HPSE2: variants seen among roughly 807,000 people sequenced by gnomAD.
The protein encoded by HPSE2 is inactive heparanase-2.
HPSE2 carries 38 observed loss-of-function variants against 60.5 expected under a neutral mutation model. The observed-to-expected ratio is 0.63, with a 90% CI of 0.48 to 0.82. The LOEUF (loss-of-function observed/expected upper bound fraction) is 0.82. Ranked by LOEUF, HPSE2 falls within the 40% of genes least tolerant of loss-of-function variation. HPSE2 has a pLI of 0.00. For missense variants in HPSE2, 713 were observed against 740.4 expected (o/e 0.96, Z 0.43); for synonymous variants, 295 against 293.2 (o/e 1.01, Z -0.06).
intron 11 of HPSE2, among the ~76,000 whole-genome samples, chr10:98,466,612 A>C (rs1940546032): frequency 2.3e-5 from 3 of 130,688 alleles, no homozygotes; most frequent in African/African-American, 1.1e-4. Flanking sequence ...CTCCGTCTCA[A>C]AAAAAAAAAA....
chr10:99,168,424 G>C (rs1204367631), intron 2 of HPSE2, among the ~76,000 whole-genome samples: 1 of 152,036 alleles, frequency 6.6e-6, no homozygotes, highest in African/African-American at 2.4e-5. Flanking sequence ...CAGAAACTTT[G>C]GTGAGTTCTC....
intron 3 of HPSE2, among the ~76,000 whole-genome samples, chr10:98,986,908 T>A (rs1956371908): frequency 6.6e-6 from 1 of 152,118 alleles, no homozygotes; most frequent in Non-Finnish European, 1.5e-5. Flanking sequence ...ATGGATAAAT[T>A]TCTCGGCACA....
intron 3 of HPSE2, among the ~76,000 whole-genome samples, chr10:99,068,587 A>G (rs1055221346): frequency 2.0e-5 from 3 of 152,222 alleles, no homozygotes; most frequent in Non-Finnish European, 2.9e-5. Context: ...GATTATTACA[A>G]TTCAAGGTCA....
At chr10:99,078,785 A>G (rs1843032723) in intron 3 of HPSE2, among the ~76,000 whole-genome samples, 1 of 152,164 alleles carries the variant, frequency 6.6e-6, no homozygotes, top group Non-Finnish European at 1.5e-5. Flanking sequence ...TGTGCATTAG[A>G]GAACAGTTAC....
intron 3 of HPSE2, among the ~76,000 whole-genome samples, chr10:99,054,575 C>A (rs1958066025): frequency 6.6e-6 from 1 of 152,184 alleles, no homozygotes; most frequent in African/African-American, 2.4e-5. Context: ...CAGATCTGTA[C>A]TAACAAAGCA....
intron 5 of HPSE2, among the ~76,000 whole-genome samples, chr10:98,701,744 A>T (rs1476976656): frequency 6.6e-6 from 1 of 152,196 alleles, no homozygotes; most frequent in East Asian, 1.9e-4. Context: ...AATCATTTCC[A>T]GACAAGCAAA....
chr10:99,235,745 C>CG lies in HPSE2; in HGVS notation c.57dup (p.Ala20ArgfsTer45), dbSNP rs778121647. 2.8e-5 allele frequency: 45 copies of CG among 1,613,290 alleles called. No homozygotes were observed. The highest frequency in any genetic ancestry group is 1.1e-4 in the East Asian group (5 of 44,808). ...TAGAGAGCCCCCGGGGCTAGGCACGCGGGGGGGCGGGAGTTGCTGGAGGGC... is the reference window on the plus strand; with the variant it reads ...TAGAGAGCCCCCGGGGCTAGGCACGCGGGGGGGGCGGGAGTTGCTGGAGGGC... On this transcript the variant is annotated frameshift_variant, in exon 1 of 12. Transcript: ENST00000370552. LOFTEE classifies it high-confidence loss of function.
chr10:99,008,429 G>C (rs186903707), intron 3 of HPSE2, among the ~76,000 whole-genome samples: 1 of 152,056 alleles, frequency 6.6e-6, no homozygotes, highest in Non-Finnish European at 1.5e-5. Context: ...AAAATGAGAG[G>C]CCAAAAGGAA....
At chr10:98,853,064 G>A (rs1952221595) in intron 3 of HPSE2, among the ~76,000 whole-genome samples, 1 of 152,184 alleles carries the variant, frequency 6.6e-6, no homozygotes, top group South Asian at 2.1e-4. Context: ...AATGGCAAAA[G>A]CCACATATCT....
intron 3 of HPSE2, among the ~76,000 whole-genome samples, chr10:98,754,104 A>C (rs1336704838): frequency 6.6e-6 from 1 of 152,202 alleles, no homozygotes; most frequent in African/African-American, 2.4e-5. Flanking sequence ...AAAATCTAAA[A>C]AATCCAATAA....
chr10:99,092,252 C>T (rs1891464), intron 3 of HPSE2, among the ~76,000 whole-genome samples: 77,213 of 151,956 alleles, frequency 0.51, 21,394 homozygotes, highest in East Asian at 0.65. Context: ...TAAAATCCCA[C>T]AGAATTTTAC....
intron 3 of HPSE2, among the ~76,000 whole-genome samples, chr10:98,867,516 A>G (rs1952619642): frequency 6.6e-6 from 1 of 152,208 alleles, no homozygotes; most frequent in Non-Finnish European, 1.5e-5. Context: ...ACGAGCATGT[A>G]GAGAAAAGGG....
At chr10:98,782,917 T>TTAC (rs1458556043) in intron 3 of HPSE2, among the ~76,000 whole-genome samples, 2 of 40,790 alleles carry the variant, frequency 4.9e-5, no homozygotes, top group African/African-American at 2.8e-4. Context: ...TGTTTATTTT[T>TTAC]TTTTTTTTAT....
intron 9 of HPSE2, among the ~76,000 whole-genome samples, chr10:98,610,381 C>T (rs1486282030): frequency 6.6e-6 from 1 of 152,182 alleles, no homozygotes; most frequent in Admixed American, 6.5e-5. Context: ...GTTAGAGTTT[C>T]CTTCTGATGG....
At chr10:99,138,248 C>T (rs1845734066) in intron 3 of HPSE2, among the ~76,000 whole-genome samples, 1 of 152,086 alleles carries the variant, frequency 6.6e-6, no homozygotes, top group Non-Finnish European at 1.5e-5. Context: ...ACAAGAAATG[C>T]TGGAGAGAAT....
intron 4 of HPSE2, among the ~76,000 whole-genome samples, chr10:98,735,546 G>A (rs963628908): frequency 6.6e-6 from 1 of 151,856 alleles, no homozygotes; most frequent in South Asian, 2.1e-4. Flanking sequence ...CCTCAGAAAA[G>A]CTCCAGAGAC....
chr10:98,476,096 G>A (rs1449179460), intron 11 of HPSE2, among the ~76,000 whole-genome samples: 1 of 151,686 alleles, frequency 6.6e-6, no homozygotes, highest in Non-Finnish European at 1.5e-5. Flanking sequence ...ATGATAGACT[G>A]GATTAAGAAA....
chr10:98,823,802 C>G (rs1198634646), intron 3 of HPSE2, among the ~76,000 whole-genome samples: 1 of 152,080 alleles, frequency 6.6e-6, no homozygotes, highest in African/African-American at 2.4e-5. Flanking sequence ...TAACATACCT[C>G]TAACAATAAC....
At chr10:99,234,037 G>A (rs1849756281) in intron 1 of HPSE2, among the ~76,000 whole-genome samples, 1 of 152,242 alleles carries the variant, frequency 6.6e-6, no homozygotes, top group African/African-American at 2.4e-5. Context: ...CTGCGCAGCT[G>A]AAGGAGTTCA....
Sources: gnomAD v4.1 joint callset for allele counts (sites outside exome capture counted in the v4.1 genomes callset) on GRCh38, gnomAD v4.1.1 for gene constraint, MANE v1.5 for transcripts, NCBI Gene and HGNC (gene_info 2026-07-23, HGNC 2026-07-21) for gene names.